The following GRIN2A variants were observed in gnomAD, a reference collection of about 807,000 sequenced individuals.
The protein encoded by GRIN2A is glutamate ionotropic receptor NMDA type subunit 2A.
A neutral mutation model predicts 113.4 loss-of-function variants in GRIN2A; 22 were observed. The ratio of observed to expected loss-of-function variants is 0.19; its 90% CI spans 0.14 to 0.28. The LOEUF (loss-of-function observed/expected upper bound fraction) is 0.28, where lower values mean the gene tolerates loss of function less well. Ranked by LOEUF, GRIN2A falls within the 10% of genes least tolerant of loss-of-function variation. The pLI is 1.00. For missense variants in GRIN2A, 1,502 were observed against 1,887.0 expected (o/e 0.80, Z 3.78); for synonymous variants, 827 against 738.4 (o/e 1.12, Z -1.94).
intron 2 of GRIN2A, among the ~76,000 whole-genome samples, chr16:10,156,463 G>A (rs772911850): frequency 1.3e-5 from 2 of 152,202 alleles, no homozygotes; most frequent in Non-Finnish European, 2.9e-5. Flanking sequence ...TCTGATTGAC[G>A]ACAAGATGGT....
chr16:10,003,769 C>A (rs571124150), intron 2 of GRIN2A, among the ~76,000 whole-genome samples: 6 of 152,210 alleles, frequency 3.9e-5, no homozygotes, highest in Admixed American at 3.9e-4. Context: ...GCTTATGCAG[C>A]AAAGAATGAG....
rs1307071845 is a variant in GRIN2A, at chr16:10,121,180, AC to A, written c.414+58817del. 3 of 145,882 alleles carry A rather than the reference AC, an allele frequency of 2.1e-5. No individual in the cohort carries two copies. The Admixed American group carries it at 2.2e-4, about 11-fold the overall frequency. 9.0% of individuals were successfully genotyped at this position (145,882 alleles called of 1,614,324 possible). On this transcript the variant is annotated intron_variant, in intron 2 of 12. Coordinates refer to ENST00000330684, the MANE Select transcript of GRIN2A (RefSeq NM_001134407.3). ...GCTACACTGTATCACACACACTCCT[AC>A]CCCTGACTCCGAGTGACATCAACCA...
chr16:10,073,034 C>T (rs2047790588), intron 2 of GRIN2A, among the ~76,000 whole-genome samples: 1 of 147,028 alleles, frequency 6.8e-6, no homozygotes, highest in Non-Finnish European at 1.5e-5. Flanking sequence ...CGGCTTACTG[C>T]AACCTCCTCC....
At chr16:10,086,965 T>G (rs573062634) in intron 2 of GRIN2A, among the ~76,000 whole-genome samples, 1 of 152,172 alleles carries the variant, frequency 6.6e-6, no homozygotes, top group Non-Finnish European at 1.5e-5. Context: ...CTCTTGAGCA[T>G]GAATGAAGTT....
intron 4 of GRIN2A, among the ~76,000 whole-genome samples, chr16:9,882,856 T>G (rs2267796): frequency 0.32 from 49,251 of 152,026 alleles, 10,037 homozygotes; most frequent in African/African-American, 0.58. Flanking sequence ...AATTAGCTGG[T>G]TTCAGGTAGA....
chr16:10,138,435 A>C (rs2049249195), intron 2 of GRIN2A, among the ~76,000 whole-genome samples: 1 of 152,232 alleles, frequency 6.6e-6, no homozygotes, highest in Non-Finnish European at 1.5e-5. Flanking sequence ...AACATCTCAC[A>C]CAGCGGAAGG....
At chr16:10,167,729 A>G (rs2142346500) in intron 2 of GRIN2A, among the ~76,000 whole-genome samples, 1 of 152,324 alleles carries the variant, frequency 6.6e-6, no homozygotes, top group East Asian at 1.9e-4. Context: ...TCTATTTCAA[A>G]GTTTAAAAAA....
At chr16:9,950,744 A>G (rs1198987260) in intron 2 of GRIN2A, among the ~76,000 whole-genome samples, 1 of 152,210 alleles carries the variant, frequency 6.6e-6, no homozygotes, top group Non-Finnish European at 1.5e-5. Context: ...CAGTTCTTCC[A>G]CAGGCTACCC....
chr16:9,952,062 T>G (rs764056909), intron 2 of GRIN2A, among the ~76,000 whole-genome samples: 1 of 152,106 alleles, frequency 6.6e-6, no homozygotes, highest in Non-Finnish European at 1.5e-5. Context: ...GAGAAATAAA[T>G]AGAAGGCTCT....
In GRIN2A at chr16:9,762,763, T is replaced by A. The variant is rs1241746840; in HGVS notation, c.*386A>T. The A allele has an allele frequency of 5.1e-6, 2 of 393,060 alleles. No homozygotes were observed. Among genetic ancestry groups the A allele is most frequent in the Non-Finnish European group, 9.3e-6 (2 of 214,426 alleles). 24.3% of individuals were successfully genotyped at this position (393,060 alleles called of 1,614,324 possible). A position where few individuals can be genotyped will look rare whatever the true frequency, so the allele number is the denominator to read the frequency against. ...TGTATTAGAGAAACCATTAGGCATTTCTGATGAGAAAATTACATGGTGGGC... is the reference window on the plus strand; with the variant it reads ...TGTATTAGAGAAACCATTAGGCATTACTGATGAGAAAATTACATGGTGGGC... On this transcript the variant is annotated 3_prime_UTR_variant, in exon 13 of 13. Coordinates refer to ENST00000330684, the MANE Select transcript of GRIN2A (RefSeq NM_001134407.3).
chr16:10,024,128 C>T (rs553353043), intron 2 of GRIN2A, among the ~76,000 whole-genome samples: 1 of 152,166 alleles, frequency 6.6e-6, no homozygotes, highest in Non-Finnish European at 1.5e-5. Flanking sequence ...CAAATCGAGC[C>T]CATGAGGCTT....
chr16:10,010,984 T>C (rs546713573), intron 2 of GRIN2A, among the ~76,000 whole-genome samples: 222 of 152,338 alleles, frequency 1.5e-3, no homozygotes, highest in Non-Finnish European at 2.3e-3. Flanking sequence ...GTTATTCCTG[T>C]AACATTTGTT....
intron 2 of GRIN2A, among the ~76,000 whole-genome samples, chr16:10,039,622 G>T (rs905435889): frequency 5.3e-5 from 8 of 151,760 alleles, no homozygotes; most frequent in Admixed American, 4.6e-4. Context: ...TGGGCGCGGG[G>T]AGGGTCTGCG....
chr16:10,154,138 G>A (rs561353557), intron 2 of GRIN2A, among the ~76,000 whole-genome samples: 2 of 152,220 alleles, frequency 1.3e-5, no homozygotes, highest in Non-Finnish European at 2.9e-5. Flanking sequence ...AAGCCCTTAA[G>A]AGCCAGCGTA....
chr16:10,108,005 C>G (rs1475704955), intron 2 of GRIN2A, among the ~76,000 whole-genome samples: 1 of 152,198 alleles, frequency 6.6e-6, no homozygotes, highest in Non-Finnish European at 1.5e-5. Flanking sequence ...TGGGCTAGAT[C>G]CTACTCATGT....
At chr16:9,892,488 T>C (rs1188029539) in intron 3 of GRIN2A, among the ~76,000 whole-genome samples, 1 of 151,974 alleles carries the variant, frequency 6.6e-6, no homozygotes, top group Non-Finnish European at 1.5e-5. Flanking sequence ...TGGAGAGATA[T>C]TTAGGAGGTA....
chr16:9,764,271 G>A lies in GRIN2A; in HGVS notation c.3273C>T (p.Ala1091=), dbSNP rs2141133901. 4 of 1,613,992 alleles carry A rather than the reference G, an allele frequency of 2.5e-6. No homozygotes were observed. The South Asian group carries it at 4.4e-5, about 18-fold the overall frequency. The part of the protein sequence containing the change: ...KTKDNFKRSV[A]SKYPKDCSEV... ...CACTACAGTCCTTGGGGTATTTGGA[G>A]GCCACTGACCTTTTAAAGTTGTCCT... Residue 1091 remains alanine, a synonymous_variant, in exon 13 of 13, where the codon GCC becomes GCT. Coordinates refer to ENST00000330684, the MANE Select transcript of GRIN2A (RefSeq NM_001134407.3).
intron 2 of GRIN2A, 101 bp from the exon 3 acceptor site, chr16:9,938,652 A>G (rs1353264600): frequency 1.4e-5 from 11 of 801,206 alleles, no homozygotes; most frequent in Non-Finnish European, 2.1e-5. Flanking sequence ...TCACACATCA[A>G]TCATTTGCAG....
At chr16:10,160,350 T>C (rs1009567399) in intron 2 of GRIN2A, among the ~76,000 whole-genome samples, 5 of 152,186 alleles carry the variant, frequency 3.3e-5, no homozygotes, top group African/African-American at 4.8e-5. Flanking sequence ...CAAGTGGGCG[T>C]GGACCAAGGG....
Sources: gnomAD v4.1 joint callset for allele counts (sites outside exome capture counted in the v4.1 genomes callset) on GRCh38, gnomAD v4.1.1 for gene constraint, MANE v1.5 for transcripts, NCBI Gene and HGNC (gene_info 2026-07-23, HGNC 2026-07-21) for gene names.